ZFHX4: variants seen among roughly 807,000 people sequenced by gnomAD.
ZFHX4 encodes the protein zinc finger homeobox 4, also known as zinc finger homeobox protein 4.
In ZFHX4, 56 loss-of-function variants were observed where a neutral mutation model predicts 267.6. The observed-to-expected ratio is 0.21, with a 90% confidence interval of 0.17 to 0.26. ZFHX4 has a LOEUF of 0.26. Ranked by LOEUF, ZFHX4 falls within the 10% of genes least tolerant of loss-of-function variation. ZFHX4 has a pLI of 1.00. For missense variants in ZFHX4, 4,332 were observed against 4,420.0 expected (o/e 0.98, Z 0.56); for synonymous variants, 1,778 against 1,665.6 (o/e 1.07, Z -1.64).
At chr8:76,791,214 G>A in intron 4 of ZFHX4, among the ~76,000 whole-genome samples, 1 of 152,136 alleles carries the variant, frequency 6.6e-6, no homozygotes, top group African/African-American at 2.4e-5. Context: ...TCAAGAGTTT[G>A]GAGAATCCTA....
chr8:76,835,219 GTATATATATATATATATATATGTA>G (rs1323920183), intron 5 of ZFHX4, among the ~76,000 whole-genome samples: 1 of 76,108 alleles, frequency 1.3e-5, no homozygotes, highest in African/African-American at 6.0e-5. Context: ...GTATATATAT[GTATATATATATATATATATATGTA>G]TATATATATA....
At chr8:76,791,720 G>C (rs562446212) in intron 4 of ZFHX4, among the ~76,000 whole-genome samples, 1 of 152,096 alleles carries the variant, frequency 6.6e-6, no homozygotes, top group Non-Finnish European at 1.5e-5. Flanking sequence ...ACATCTCAGA[G>C]ATTCTATGTC....
chr8:76,850,694 G>A (rs1016692159), intron 9 of ZFHX4, among the ~76,000 whole-genome samples, 192 bp from the exon 10 acceptor site: 6 of 152,060 alleles, frequency 3.9e-5, no homozygotes, highest in South Asian at 2.1e-4. Context: ...TGAGGCCAGC[G>A]GTGATTTCTT....
Position 76,851,109 on chromosome 8 carries a change from G to A in ZFHX4, c.4188G>A (p.Lys1396=), listed in dbSNP as rs564331284. The A allele has an allele frequency of 6.2e-7, 1 of 1,613,978 alleles. No homozygotes were observed. Among genetic ancestry groups the A allele is most frequent in the East Asian group, 2.2e-5 (1 of 44,868 alleles). The change falls in exon 10 of 11, where the codon AAG becomes AAA. Residue 1396 remains lysine, a synonymous_variant. Transcript: ENST00000651372. ...CTGTTTCTGACCGTCATGTCTACAA[G>A]TATCGCTGTAACCATTGTAGCTTGG... ...PLSVSDRHVY[K]YRCNHCSLAF... is the part of the protein sequence containing the mutation.
chr8:76,703,639 G>A (rs1429974748), intron 1 of ZFHX4: 1 of 155,824 alleles, frequency 6.4e-6, no homozygotes, highest in Non-Finnish European at 1.4e-5. Context: ...AGAATTATAA[G>A]TTATTTCTGT....
intron 3 of ZFHX4, among the ~76,000 whole-genome samples, chr8:76,718,245 A>C (rs1808629889): frequency 6.6e-6 from 1 of 152,216 alleles, no homozygotes; most frequent in African/African-American, 2.4e-5. Context: ...AATTATATAA[A>C]ACCAGAATTT....
chr8:76,824,174 T>G (rs1219503662), intron 4 of ZFHX4, among the ~76,000 whole-genome samples: 1 of 152,246 alleles, frequency 6.6e-6, no homozygotes, highest in Admixed American at 6.5e-5. Flanking sequence ...TATTGAACAC[T>G]GCCTTTGTGA....
At position 76,866,744 on chromosome 8, in the gene ZFHX4, T is replaced by C. The variant is rs999194713; in HGVS notation, c.*2179T>C. The stretch of plus-strand genomic sequence containing the variant: ...AACAAAGGACTGTTTTACAAATGAT[T>C]ATTCCGACAGTGTGTCGACATAAAC... On this transcript the variant is annotated 3_prime_UTR_variant, in exon 11 of 11. Coordinates refer to ENST00000651372, the MANE Select transcript of ZFHX4 (RefSeq NM_024721.5). 6.6e-6 allele frequency: 1 copy of C among 151,702 alleles called. No homozygotes were observed. Among genetic ancestry groups the C allele is most frequent in the East Asian group, 2.1e-4 (1 of 4,772 alleles). 9.4% of individuals were successfully genotyped at this position (151,702 alleles called of 1,614,324 possible).
chr8:76,852,759 A>G lies in ZFHX4; in HGVS notation c.5838A>G (p.Leu1946=). The change falls in exon 10 of 11, where the codon CTA becomes CTG. Residue 1946 remains leucine, a synonymous_variant. Coordinates refer to ENST00000651372, the MANE Select transcript of ZFHX4 (RefSeq NM_024721.5). ...GTGAAGGCGAAAACACTGACAAACTAGAATGTGGAACATGTGGTAAATTGT... is the reference window on the plus strand; with the variant it reads ...GTGAAGGCGAAAACACTGACAAACTGGAATGTGGAACATGTGGTAAATTGT... The part of the protein sequence containing the change: ...KSGEGENTDK[L]ECGTCGKLFS... 1 of 1,613,716 alleles carries G rather than the reference A, an allele frequency of 6.2e-7. No individual in the cohort carries two copies. The highest frequency in any genetic ancestry group is 8.5e-7 in the Non-Finnish European group (1 of 1,179,760).
Position 76,705,594 on chromosome 8 carries a change from C to T in ZFHX4, c.1506C>T (p.Leu502=). The change falls in exon 2 of 11, where the codon CTC becomes CTT. Residue 502 remains leucine, a synonymous_variant. Transcript: ENST00000651372. ...GTATTGGTAACAAAGATTTCCCTCT[C>T]TTAAACCAAAGCATTTCTCCTTTAT... ...TDSIGNKDFP[L]LNQSISPLSS... The T allele has an allele frequency of 6.2e-7, 1 of 1,613,780 alleles. No homozygotes were observed. The highest frequency in any genetic ancestry group is 8.5e-7 in the Non-Finnish European group (1 of 1,179,768).
chr8:76,751,365 G>A (rs1809609665), intron 3 of ZFHX4, among the ~76,000 whole-genome samples: 1 of 152,160 alleles, frequency 6.6e-6, no homozygotes. Context: ...TTAAAAGCCA[G>A]GAAAGAATAG....
chr8:76,761,092 G>A (rs1053758568), intron 3 of ZFHX4, among the ~76,000 whole-genome samples: 2 of 152,124 alleles, frequency 1.3e-5, no homozygotes, highest in African/African-American at 2.4e-5. Flanking sequence ...CCCAATTTCA[G>A]TTAACCCATT....
chr8:76,863,118 T>C lies in ZFHX4; in HGVS notation c.9404T>C (p.Met3135Thr), dbSNP rs1434806045. The change falls in exon 11 of 11, where the codon ATG (methionine) becomes ACG (threonine). Residue 3135 changes from methionine (M) to threonine (T), a missense_variant. Met to Thr is a moderately conservative substitution (Grantham distance 81). This residue lies in a region of ZFHX4 where 1,648 missense variants were observed against 1,625.0 expected (regional missense o/e 1.01). Coordinates refer to ENST00000651372, the MANE Select transcript of ZFHX4 (RefSeq NM_024721.5). ...GCTTTAACACCTCCCGGTGCAGGCA[T>C]GCTTGGGTTTCCTACTTCAGCTACT... Reference protein sequence around the residue: ...SNTLTPPGAGMLGFPTSATSS... With the variant: ...SNTLTPPGAGTLGFPTSATSS... 2.8e-5 allele frequency: 43 copies of C among 1,531,804 alleles called. No individual in the cohort carries two copies. The highest frequency in any genetic ancestry group is 3.8e-5 in the Non-Finnish European group (43 of 1,138,132). The allele number at this position is 1,531,804 out of a possible 1,614,324, so 94.9% of individuals were successfully genotyped here.
At chr8:76,839,101 AG>A (rs1812170012) in intron 5 of ZFHX4, among the ~76,000 whole-genome samples, 4 of 97,666 alleles carry the variant, frequency 4.1e-5, no homozygotes, top group Admixed American at 1.0e-4. Flanking sequence ...GAGAGAGAGA[AG>A]GACAATGGGA....
intron 3 of ZFHX4, among the ~76,000 whole-genome samples, chr8:76,746,102 A>C (rs1161652793): frequency 1.3e-5 from 2 of 152,176 alleles, no homozygotes; most frequent in East Asian, 3.9e-4. Context: ...TGGTGTATAA[A>C]TTGCTTTAAA....
At position 76,705,395 on chromosome 8, in the gene ZFHX4, C is replaced by T; in HGVS notation, c.1307C>T (p.Ser436Leu). 7 of 1,613,858 alleles carry T rather than the reference C, an allele frequency of 4.3e-6. No homozygotes were observed. The highest frequency in any genetic ancestry group is 1.3e-5 in the African/African-American group (1 of 75,028). Residue 436 changes from serine (S) to leucine (L), a missense_variant, in exon 2 of 11, where the codon TCA becomes TTA. By Grantham distance (145) the Ser-to-Leu change is moderately radical (BLOSUM62 -2). Coordinates refer to ENST00000651372, the MANE Select transcript of ZFHX4 (RefSeq NM_024721.5). Reference protein sequence around the residue: ...SHSSSESSKMSESKDQENNCE... With the variant: ...SHSSSESSKMLESKDQENNCE... ...TCATCGTCTGAGTCTAGCAAGATGTCAGAGAGCAAAGACCAAGAGAACAAC... is the reference window on the plus strand; with the variant it reads ...TCATCGTCTGAGTCTAGCAAGATGTTAGAGAGCAAAGACCAAGAGAACAAC...
At chr8:76,760,686 G>A (rs1000393850) in intron 3 of ZFHX4, among the ~76,000 whole-genome samples, 1 of 152,174 alleles carries the variant, frequency 6.6e-6, no homozygotes, top group Admixed American at 6.5e-5. Flanking sequence ...CCAGTACTAT[G>A]GGAGGCCAGG....
At position 76,853,416 on chromosome 8, in the gene ZFHX4, A is replaced by C; in HGVS notation, c.6495A>C (p.Lys2165Asn). Residue 2165 changes from lysine to asparagine, a missense_variant, in exon 10 of 11, where the codon AAA (lysine) becomes AAC (asparagine). This residue lies in a region of ZFHX4 where 48 missense variants were observed against 95.4 expected (regional missense o/e 0.50). Coordinates refer to ENST00000651372, the MANE Select transcript of ZFHX4 (RefSeq NM_024721.5). ...SEEQIQEMAE[K>N]SGLSQKVIKH... ...AACAGATCCAGGAAATGGCAGAGAA[A>C]TCTGGCCTCTCCCAAAAAGTTATCA... The C allele has an allele frequency of 1.2e-6, 2 of 1,613,882 alleles. No individual in the cohort carries two copies. Among genetic ancestry groups the C allele is most frequent in the Non-Finnish European group, 8.5e-7 (1 of 1,179,870 alleles).
At chr8:76,790,589 A>G (rs1810807898) in intron 4 of ZFHX4, among the ~76,000 whole-genome samples, 1 of 152,202 alleles carries the variant, frequency 6.6e-6, no homozygotes, top group Non-Finnish European at 1.5e-5. Context: ...AACTTTGATT[A>G]AAAGGTTTAA....
Sources: gnomAD v4.1 joint callset for allele counts (sites outside exome capture counted in the v4.1 genomes callset) on GRCh38, gnomAD v4.1.1 for gene constraint, gnomAD v4.1.1 regional missense constraint, MANE v1.5 for transcripts, NCBI Gene and HGNC (gene_info 2026-07-23, HGNC 2026-07-21) for gene names.